The following ICA1 variants were observed in gnomAD, a reference collection of about 807,000 sequenced individuals.
The protein encoded by ICA1 is 69 kDa islet cell autoantigen.
A neutral mutation model predicts 71.0 loss-of-function variants in ICA1; 40 were observed. That is an observed-to-expected ratio of 0.56 (90% CI 0.44 to 0.73). The LOEUF (loss-of-function observed/expected upper bound fraction) is 0.73, where lower values mean the gene tolerates loss of function less well. ICA1 is among the 30% of genes least tolerant of loss of function. The pLI is 0.00. For missense variants in ICA1, 578 were observed against 576.5 expected (o/e 1.00, Z -0.03); for synonymous variants, 207 against 209.5 (o/e 0.99, Z 0.10).
intron 13 of ICA1, among the ~76,000 whole-genome samples, chr7:8,115,190 G>C (rs1784406038): frequency 6.6e-6 from 1 of 152,150 alleles, no homozygotes; most frequent in African/African-American, 2.4e-5. Flanking sequence ...GTAAAAATCA[G>C]TGTATCTATG....
chr7:8,118,907 G>A (rs1785684427), intron 13 of ICA1, among the ~76,000 whole-genome samples: 2 of 152,208 alleles, frequency 1.3e-5, no homozygotes, highest in South Asian at 4.1e-4. Context: ...TCAAGCTCAC[G>A]AGCCAATGCT....
intron 6 of ICA1, among the ~76,000 whole-genome samples, chr7:8,158,986 T>G (rs1268648236): frequency 6.6e-6 from 1 of 152,206 alleles, no homozygotes; most frequent in East Asian, 1.9e-4. Flanking sequence ...TCAGCTTTGC[T>G]CCATTGTTTT....
At chr7:8,221,767 C>T (rs2128425320) in intron 4 of ICA1, among the ~76,000 whole-genome samples, 1 of 152,306 alleles carries the variant, frequency 6.6e-6, no homozygotes, top group East Asian at 1.9e-4. Context: ...GCCTAGGATG[C>T]AGTGCTAGCT....
At chr7:8,187,373 C>T (rs192837225) in intron 6 of ICA1, among the ~76,000 whole-genome samples, 4 of 152,170 alleles carry the variant, frequency 2.6e-5, no homozygotes, top group African/African-American at 9.6e-5. Context: ...AGAAAAGGCA[C>T]AGTAAAAATA....
Position 8,141,944 on chromosome 7 carries a change from G to C in ICA1, c.903-127C>G, listed in dbSNP as rs1465787401. ...CATACACCACACACACGCACACGAA[G>C]AAGGGTCAACATATAGTCATTTACA... On this transcript the variant is annotated intron_variant, in intron 9 of 13. Transcript: ENST00000402384. 14 of 1,421,696 alleles carry C rather than the reference G, an allele frequency of 9.8e-6. No individual in the cohort carries two copies. The East Asian group carries it at 3.1e-4, about 31-fold the overall frequency. The allele number at this position is 1,421,696 out of a possible 1,614,324, so 88.1% of individuals were successfully genotyped here.
intron 8 of ICA1, among the ~76,000 whole-genome samples, chr7:8,155,821 C>CA (rs1260813108): frequency 2.0e-5 from 3 of 152,160 alleles, no homozygotes; most frequent in African/African-American, 7.2e-5. Context: ...TGCAGTAAAT[C>CA]AGAGATGATG....
At chr7:8,245,885 T>C (rs971818886) in intron 1 of ICA1, among the ~76,000 whole-genome samples, 2 of 152,222 alleles carry the variant, frequency 1.3e-5, no homozygotes, top group African/African-American at 2.4e-5. Context: ...CCAGAATCAG[T>C]AGAGCCTTGA....
At chr7:8,201,576 C>A (rs1480068250) in intron 6 of ICA1, among the ~76,000 whole-genome samples, 1 of 152,168 alleles carries the variant, frequency 6.6e-6, no homozygotes, top group Non-Finnish European at 1.5e-5. Flanking sequence ...GCCTCTCAGG[C>A]CTGACTTGGC....
At chr7:8,189,688 G>C (rs1393154477) in intron 6 of ICA1, among the ~76,000 whole-genome samples, 2 of 152,088 alleles carry the variant, frequency 1.3e-5, no homozygotes, top group Admixed American at 1.3e-4. Flanking sequence ...CCAGCTCCGA[G>C]CCTGCAGTCC....
intron 6 of ICA1, among the ~76,000 whole-genome samples, chr7:8,175,503 A>G (rs747735143): frequency 1.3e-5 from 2 of 150,336 alleles, no homozygotes; most frequent in Non-Finnish European, 3.0e-5. Context: ...GCATGCATGA[A>G]AACTGTTTAA....
Position 8,226,373 on chromosome 7 carries a change from T to C in ICA1, c.256+2228A>G, listed in dbSNP as rs1293329481. ...AGATATAGATATAGATGGTAAAATG[T>C]GATGCAATGTAAAAAAATGGTAATA... On this transcript the variant is annotated intron_variant, in intron 4 of 13. Coordinates refer to ENST00000402384, the MANE Select transcript of ICA1 (RefSeq NM_001136020.3). This position sits in a 1 kb window ranked among gnomAD's most constrained non-coding sequence, Gnocchi z 4.4. Among the ~76,000 whole-genome samples, 1 of 152,066 alleles carries C rather than the reference T, an allele frequency of 6.6e-6. No individual in the cohort carries two copies. The highest frequency in any genetic ancestry group is 1.5e-5 in the Non-Finnish European group (1 of 68,046).
intron 4 of ICA1, 73 bp from the exon 5 acceptor site, chr7:8,221,471 T>C: frequency 6.5e-7 from 1 of 1,536,794 alleles, no homozygotes. Flanking sequence ...GAAAGACAAA[T>C]CACAAGGTCC....
chr7:8,154,764 T>C (rs1276209774), intron 8 of ICA1, among the ~76,000 whole-genome samples: 1 of 152,110 alleles, frequency 6.6e-6, no homozygotes, highest in African/African-American at 2.4e-5. Context: ...TGCAAGAGGG[T>C]TGGGAAGTCA....
Position 8,163,487 on chromosome 7 carries a change from C to G in ICA1, c.580-4835G>C, listed in dbSNP as rs114698245. ...GTATCTTCTATATGCTGGTAGCAGT[C>G]GGCACAAATGGAATCGATAGTACAT... On this transcript the variant is annotated intron_variant, in intron 6 of 13. Coordinates refer to ENST00000402384, the MANE Select transcript of ICA1 (RefSeq NM_001136020.3). 7.0e-3 allele frequency among the ~76,000 whole-genome samples: 1,070 copies of G among 152,240 alleles called. 17 individuals are homozygous for G. Among genetic ancestry groups the G allele is most frequent in the African/African-American group, 0.025 (1,037 of 41,542 alleles).
At chr7:8,137,229 G>A (rs1310928390) in intron 12 of ICA1, among the ~76,000 whole-genome samples, 1 of 152,062 alleles carries the variant, frequency 6.6e-6, no homozygotes, top group Non-Finnish European at 1.5e-5. Flanking sequence ...GTCGGCTTTT[G>A]TCCCAGTGTG....
intron 6 of ICA1, among the ~76,000 whole-genome samples, chr7:8,158,917 G>A (rs1388904442): frequency 6.6e-6 from 1 of 152,130 alleles, no homozygotes; most frequent in East Asian, 1.9e-4. Context: ...TCTTCTCAAG[G>A]CATTCACAAA....
chr7:8,253,322 T>C (rs1416698455), intron 1 of ICA1, among the ~76,000 whole-genome samples: 1 of 152,156 alleles, frequency 6.6e-6, no homozygotes, highest in Non-Finnish European at 1.5e-5. Context: ...TTTTACAAGT[T>C]TAAAAAGGTC....
rs1172363522 is a variant in ICA1 at position 8,143,949 on chromosome 7, T to A, written c.828A>T (p.Lys276Asn). 1 of 1,605,926 alleles carries A rather than the reference T, an allele frequency of 6.2e-7. No individual in the cohort carries two copies. Among genetic ancestry groups the A allele is most frequent in the African/African-American group, 1.3e-5 (1 of 74,636 alleles). The change falls in exon 9 of 14, where the codon AAA (lysine) becomes AAT (asparagine). Residue 276 changes from lysine (K) to asparagine (N), a missense_variant. Physicochemically the swap from Lys to Asn is moderately conservative, Grantham distance 94. Coordinates refer to ENST00000402384, the MANE Select transcript of ICA1 (RefSeq NM_001136020.3). ...TLKSLQDPMKKLVEKEEKKKI... is the reference protein window; with the variant it reads ...TLKSLQDPMKNLVEKEEKKKI... ...TCTTCTTCTCTTCTTTCTCAACTAA[T>A]TTTTTCATAGGGTCTTGTAAGCTCT... is the stretch of plus-strand genomic sequence containing the variant.
intron 2 of ICA1, among the ~76,000 whole-genome samples, chr7:8,235,550 A>G (rs1284851105): frequency 6.6e-6 from 1 of 152,238 alleles, no homozygotes; most frequent in Non-Finnish European, 1.5e-5. Context: ...CTACCCTAAC[A>G]TAAAATTCCC....
Sources: allele counts gnomAD v4.1 joint callset (sites outside exome capture counted in the v4.1 genomes callset), GRCh38; gene constraint gnomAD v4.1.1; non-coding constraint Gnocchi (gnomAD v3.1); transcripts MANE v1.5; gene names NCBI Gene and HGNC (gene_info 2026-07-23, HGNC 2026-07-21).